SHROOM3: variants seen among roughly 807,000 people sequenced by gnomAD.
SHROOM3 encodes the protein protein Shroom3.
In SHROOM3, 47 loss-of-function variants were observed where a neutral mutation model predicts 138.6. That is an observed-to-expected ratio of 0.34 (90% CI 0.27 to 0.43). SHROOM3 has a LOEUF of 0.43. SHROOM3 is among the 20% of genes least tolerant of loss of function. The pLI is 1.00. For missense variants in SHROOM3, 2,491 were observed against 2,596.5 expected (o/e 0.96, Z 0.88); for synonymous variants, 1,062 against 1,063.3 (o/e 1.00, Z 0.02).
chr4:76,604,762 A>C (rs1734580986), intron 2 of SHROOM3, among the ~76,000 whole-genome samples: 1 of 152,244 alleles, frequency 6.6e-6, no homozygotes, highest in Non-Finnish European at 1.5e-5. Flanking sequence ...TAAAATAGTA[A>C]GTTTTGTAAG....
chr4:76,510,748 A>C (rs181538411), intron 1 of SHROOM3, among the ~76,000 whole-genome samples: 1 of 152,258 alleles, frequency 6.6e-6, no homozygotes, highest in Non-Finnish European at 1.5e-5. Context: ...ATGTGATGTG[A>C]GTGTAATTGA....
At chr4:76,716,024 C>G in intron 3 of SHROOM3, 1 of 201,066 alleles carries the variant, frequency 5.0e-6, no homozygotes, top group Non-Finnish European at 1.0e-5. Context: ...AGATGATTTT[C>G]CTTGCTTCCC....
intron 2 of SHROOM3, among the ~76,000 whole-genome samples, chr4:76,608,593 A>T: frequency 9.2e-6 from 1 of 109,052 alleles, no homozygotes; most frequent in African/African-American, 3.2e-5. Context: ...AGCATAGCAT[A>T]GCATAGCATA....
chr4:76,523,223 G>T (rs183426789), intron 1 of SHROOM3, among the ~76,000 whole-genome samples: 4 of 152,298 alleles, frequency 2.6e-5, no homozygotes, highest in Admixed American at 2.6e-4. Context: ...TTCTCTCTGT[G>T]TGTCTCTGTC....
At chr4:76,687,232 C>G (rs549467173) in intron 2 of SHROOM3, among the ~76,000 whole-genome samples, 1 of 152,216 alleles carries the variant, frequency 6.6e-6, no homozygotes, top group Non-Finnish European at 1.5e-5. Context: ...AGGCTGTGCA[C>G]CTTTTTCCTA....
chr4:76,770,697 C>T lies in SHROOM3; in HGVS notation c.5421C>T (p.Asp1807=), dbSNP rs1722331022. The stretch of plus-strand genomic sequence containing the variant: ...AGGCGAAGGGGAGCCTGCTCACGGA[C>T]ATCAAGCTCAACAACGCCCTGGGAG... The part of the protein sequence containing the change: ...LQEAKGSLLT[D]IKLNNALGEE... Residue 1807 remains aspartate (D), a synonymous_variant, in exon 10 of 11, where the codon GAC becomes GAT. Coordinates refer to ENST00000296043, the MANE Select transcript of SHROOM3 (RefSeq NM_020859.4). 1 of 1,614,194 alleles carries T rather than the reference C, an allele frequency of 6.2e-7. No homozygotes were observed. The highest frequency in any genetic ancestry group is 1.3e-5 in the African/African-American group (1 of 75,048).
intron 1 of SHROOM3, among the ~76,000 whole-genome samples, chr4:76,477,402 C>T (rs1002168969): frequency 6.6e-6 from 1 of 152,130 alleles, no homozygotes; most frequent in Non-Finnish European, 1.5e-5. Context: ...AGACCATTGC[C>T]CCTTGCCTCA....
At chr4:76,479,240 T>G (rs1678794509) in intron 1 of SHROOM3, among the ~76,000 whole-genome samples, 1 of 151,846 alleles carries the variant, frequency 6.6e-6, no homozygotes, top group Non-Finnish European at 1.5e-5. Flanking sequence ...GAAAAAAGGT[T>G]AGAGGAATTG....
intron 2 of SHROOM3, among the ~76,000 whole-genome samples, chr4:76,625,618 G>A (rs1189900167): frequency 6.6e-6 from 1 of 152,036 alleles, no homozygotes; most frequent in Non-Finnish European, 1.5e-5. Context: ...CCTCATACCT[G>A]ACCACAGCAT....
intron 1 of SHROOM3, among the ~76,000 whole-genome samples, chr4:76,450,075 G>T (rs1267460064): frequency 6.6e-6 from 1 of 152,154 alleles, no homozygotes; most frequent in Non-Finnish European, 1.5e-5. Flanking sequence ...TCCATTGATT[G>T]CCGAACACAT....
At chr4:76,575,854 AAAG>A in intron 2 of SHROOM3, among the ~76,000 whole-genome samples, 1 of 152,318 alleles carries the variant, frequency 6.6e-6, no homozygotes, top group African/African-American at 2.4e-5. Context: ...AAACTTCTCA[AAAG>A]AAGACATATA....
At chr4:76,638,989 C>T (rs1735582313) in intron 2 of SHROOM3, 1 of 152,132 alleles carries the variant, frequency 6.6e-6, no homozygotes, top group South Asian at 2.1e-4. Flanking sequence ...ACAGACCAAC[C>T]AAGAACTCCT....
chr4:76,604,541 G>C (rs1449294548), intron 2 of SHROOM3, among the ~76,000 whole-genome samples: 1 of 152,150 alleles, frequency 6.6e-6, no homozygotes, highest in Non-Finnish European at 1.5e-5. Context: ...GTGAACAAAG[G>C]CACTTGATCA....
intron 2 of SHROOM3, among the ~76,000 whole-genome samples, chr4:76,569,895 G>A (rs1733801351): frequency 6.6e-6 from 1 of 152,080 alleles, no homozygotes; most frequent in African/African-American, 2.4e-5. Flanking sequence ...GCTCTTCTCT[G>A]GCTGGGTGAG....
intron 9 of SHROOM3, among the ~76,000 whole-genome samples, chr4:76,760,744 C>T (rs562699892): frequency 8.8e-4 from 134 of 152,302 alleles, no homozygotes; most frequent in African/African-American, 3.1e-3. Context: ...ACATACTTGT[C>T]ATTGTATACC....
intron 2 of SHROOM3, among the ~76,000 whole-genome samples, chr4:76,696,502 C>G (rs1307434115): frequency 6.6e-6 from 1 of 152,172 alleles, no homozygotes; most frequent in Non-Finnish European, 1.5e-5. Flanking sequence ...GGGTTCTATA[C>G]CTTTCCCAGG....
At chr4:76,586,893 T>G (rs900363382) in intron 2 of SHROOM3, 2 of 152,258 alleles carry the variant, frequency 1.3e-5, no homozygotes, top group Non-Finnish European at 2.9e-5. Context: ...AACTTATTTT[T>G]AAAGCTATCT....
At chr4:76,482,310 C>T (rs1327202733) in intron 1 of SHROOM3, among the ~76,000 whole-genome samples, 1 of 152,146 alleles carries the variant, frequency 6.6e-6, no homozygotes. Context: ...AGCAAAGTCC[C>T]AAGATACAAA....
At chr4:76,493,211 T>G (rs1731892376) in intron 1 of SHROOM3, among the ~76,000 whole-genome samples, 1 of 108,106 alleles carries the variant, frequency 9.3e-6, no homozygotes, top group Non-Finnish European at 1.7e-5. Context: ...GCAACAGGAG[T>G]GAAACTCCAT....
Sources: gnomAD v4.1 joint callset for allele counts (sites outside exome capture counted in the v4.1 genomes callset) on GRCh38, gnomAD v4.1.1 for gene constraint, MANE v1.5 for transcripts, NCBI Gene and HGNC (gene_info 2026-07-23, HGNC 2026-07-21) for gene names.